Variants in CMPK1 observed in about 807,000 individuals in gnomAD.
CMPK1 encodes the protein UMP-CMP kinase.
Under a neutral mutation model 25.7 loss-of-function variants are expected in CMPK1, and 10 were observed. The observed-to-expected ratio is 0.39, with a 90% CI of 0.24 to 0.66. The LOEUF (loss-of-function observed/expected upper bound fraction) is 0.66. Among genes scored for constraint, CMPK1 ranks in the 30% least tolerant of loss-of-function variants. CMPK1 has a pLI of 0.48. For missense variants in CMPK1, 199 were observed against 280.5 expected, an observed-to-expected ratio of 0.71 and a Z score of 2.08; for synonymous variants, 106 against 101.5, an observed-to-expected ratio of 1.04 and a Z score of -0.27.
In CMPK1 at chr1:47,333,864, C is replaced by T. The variant is rs1182452675; in HGVS notation, c.-82C>T. 6.8e-6 allele frequency: 7 copies of T among 1,025,950 alleles called. No homozygotes were observed. The highest frequency in any genetic ancestry group is 7.2e-6 in the Non-Finnish European group (6 of 838,558). 63.6% of individuals were successfully genotyped at this position (1,025,950 alleles called of 1,614,324 possible). On this transcript the variant is annotated 5_prime_UTR_variant, in exon 1 of 6. Transcript: ENST00000371873. ...CGGCGGGCGCCGGCTCAGCCCGCCCCTTTCTCCCGCCGCCTCCCCGCCCCG... is the reference window on the plus strand; with the variant it reads ...CGGCGGGCGCCGGCTCAGCCCGCCCTTTTCTCCCGCCGCCTCCCCGCCCCG...
chr1:47,371,900 C>T (rs1484761754), intron 2 of CMPK1, among the ~76,000 whole-genome samples: 7 of 152,156 alleles, frequency 4.6e-5, no homozygotes, highest in Non-Finnish European at 1.0e-4. Context: ...CCTTTACTTC[C>T]TGTCTTGGTT....
chr1:47,360,109 T>C (rs1248101440), intron 1 of CMPK1, among the ~76,000 whole-genome samples: 1 of 152,200 alleles, frequency 6.6e-6, no homozygotes, highest in African/African-American at 2.4e-5. Flanking sequence ...AGTGAGCGTT[T>C]CCTAAGAGTA....
At chr1:47,362,533 A>G (rs1358519348) in intron 1 of CMPK1, among the ~76,000 whole-genome samples, 1 of 148,652 alleles carries the variant, frequency 6.7e-6, no homozygotes, top group Non-Finnish European at 1.5e-5. Flanking sequence ...GCTCACTGCA[A>G]CCTCCGCCTC....
Position 47,378,467 on chromosome 1 carries a change from A to G in CMPK1, c.*1722A>G, listed in dbSNP as rs747741314. ...TATTTATAGTGAGATTGTGAAAGCAACCTTAAAGTTTTGAAGAAGACTGAT... is the reference window on the plus strand; with the variant it reads ...TATTTATAGTGAGATTGTGAAAGCAGCCTTAAAGTTTTGAAGAAGACTGAT... On this transcript the variant is annotated 3_prime_UTR_variant, in exon 6 of 6. Transcript: ENST00000371873. 1 of 152,224 alleles carries G rather than the reference A, an allele frequency of 6.6e-6. No individual in the cohort carries two copies. The highest frequency in any genetic ancestry group is 1.5e-5 in the Non-Finnish European group (1 of 68,048). 9.4% of individuals were successfully genotyped at this position (152,224 alleles called of 1,614,324 possible).
At chr1:47,355,202 A>T (rs1041282473) in intron 1 of CMPK1, among the ~76,000 whole-genome samples, 7 of 152,008 alleles carry the variant, frequency 4.6e-5, no homozygotes, top group Non-Finnish European at 2.9e-5. Context: ...ACACACTGTC[A>T]TGCCCAGCTA....
At chr1:47,344,025 GC>G (rs1405721747) in intron 1 of CMPK1, among the ~76,000 whole-genome samples, 1 of 150,850 alleles carries the variant, frequency 6.6e-6, no homozygotes, top group African/African-American at 2.4e-5. Flanking sequence ...ACATGATCAC[GC>G]CACTGCGCTT....
chr1:47,336,422 G>T (rs1646399445), intron 1 of CMPK1, among the ~76,000 whole-genome samples: 1 of 152,190 alleles, frequency 6.6e-6, no homozygotes, highest in African/African-American at 2.4e-5. Flanking sequence ...CACAGAGACA[G>T]ATGCAGATAG....
intron 5 of CMPK1, among the ~76,000 whole-genome samples, chr1:47,375,739 A>G (rs550072816): frequency 1.1e-4 from 16 of 152,322 alleles, no homozygotes; most frequent in Middle Eastern, 3.4e-3. Flanking sequence ...CCACAGAACA[A>G]GTAGCACCAC....
chr1:47,377,449 T>G lies in CMPK1; in HGVS notation c.*704T>G, dbSNP rs888068728. On this transcript the variant is annotated 3_prime_UTR_variant, in exon 6 of 6. Transcript: ENST00000371873. ...AAGGGTATGGGGCAAGGATCACATCTAATGCTTGTGTTCCTTATACTCTAT... is the reference window on the plus strand; with the variant it reads ...AAGGGTATGGGGCAAGGATCACATCGAATGCTTGTGTTCCTTATACTCTAT... The G allele has an allele frequency of 1.3e-5, 2 of 152,238 alleles. No individual in the cohort carries two copies. Among genetic ancestry groups the G allele is most frequent in the African/African-American group, 4.8e-5 (2 of 41,466 alleles). The allele number at this position is 152,238 out of a possible 1,614,324, so 9.4% of individuals were successfully genotyped here.
At chr1:47,370,016 G>A (rs891690742) in intron 2 of CMPK1, among the ~76,000 whole-genome samples, 34 of 119,160 alleles carry the variant, frequency 2.9e-4, no homozygotes, top group Non-Finnish European at 5.7e-4. Context: ...CTGGGTTCAC[G>A]CCATTCTCCT....
In CMPK1 at chr1:47,376,775, T is replaced by G. The variant is rs185243869; in HGVS notation, c.*30T>G. On this transcript the variant is annotated 3_prime_UTR_variant, in exon 6 of 6. Transcript: ENST00000371873. ...AAACCTGAAGGCATCCTTGAAATCATGCTTGAATATTGCTTTGATAGCTGC... is the reference window on the plus strand; with the variant it reads ...AAACCTGAAGGCATCCTTGAAATCAGGCTTGAATATTGCTTTGATAGCTGC... The G allele has an allele frequency of 4.1e-5, 55 of 1,349,652 alleles. No individual in the cohort carries two copies. In the Admixed American group the frequency reaches 7.2e-4, roughly 18 times the overall value. The allele number at this position is 1,349,652 out of a possible 1,614,324, so 83.6% of individuals were successfully genotyped here.
At chr1:47,357,281 T>C (rs748992223) in intron 1 of CMPK1, among the ~76,000 whole-genome samples, 13 of 152,072 alleles carry the variant, frequency 8.5e-5, no homozygotes, top group Admixed American at 2.6e-4. Flanking sequence ...CTTCTTTTTA[T>C]GATATTGATT....
At chr1:47,343,120 GAGAA>G (rs1194439013) in intron 1 of CMPK1, among the ~76,000 whole-genome samples, 1 of 151,162 alleles carries the variant, frequency 6.6e-6, no homozygotes, top group Non-Finnish European at 1.5e-5. Context: ...CCGAGTAGCT[GAGAA>G]TACAGGCACA....
intron 1 of CMPK1, chr1:47,358,471 T>C (rs1646578694): frequency 8.6e-7 from 1 of 1,165,448 alleles, no homozygotes; most frequent in Non-Finnish European, 1.1e-6. Flanking sequence ...CTAATAATGA[T>C]ATTTTGCTGT....
At chr1:47,370,723 G>A (rs1279128803) in intron 2 of CMPK1, among the ~76,000 whole-genome samples, 1 of 150,374 alleles carries the variant, frequency 6.7e-6, no homozygotes, top group Non-Finnish European at 1.5e-5. Context: ...TGAATTACGA[G>A]GTCAGGAGTT....
Position 47,370,289 on chromosome 1 carries a change from G to A in CMPK1, c.318+1674G>A, listed in dbSNP as rs556497735. Among the ~76,000 whole-genome samples, 16 of 151,590 alleles carry A rather than the reference G, an allele frequency of 1.1e-4. 1 individual carries two copies. The East Asian group carries it at 2.1e-3, about 20-fold the overall frequency. On this transcript the variant is annotated intron_variant, in intron 2 of 5. Transcript: ENST00000371873. ...CAGCCATGGTGTCTACTTTTCTGGTGTATCACCATCTTCAATGTGAAATGC... is the reference window on the plus strand; with the variant it reads ...CAGCCATGGTGTCTACTTTTCTGGTATATCACCATCTTCAATGTGAAATGC...
chr1:47,355,851 CACCTCA>C (rs1474119673), intron 1 of CMPK1, among the ~76,000 whole-genome samples: 2 of 151,858 alleles, frequency 1.3e-5, no homozygotes, highest in Admixed American at 1.3e-4. Context: ...GTGATTAGCC[CACCTCA>C]GCCTCCCAAA....
intron 1 of CMPK1, among the ~76,000 whole-genome samples, chr1:47,363,468 AC>A (rs1462029235): frequency 1.3e-5 from 2 of 152,028 alleles, no homozygotes; most frequent in African/African-American, 2.4e-5. Flanking sequence ...TACTAAACAT[AC>A]AAAAAAATTT....
intron 1 of CMPK1, among the ~76,000 whole-genome samples, chr1:47,346,761 C>T (rs556112015): frequency 6.6e-6 from 1 of 152,188 alleles, no homozygotes; most frequent in East Asian, 1.9e-4. Context: ...CCTTGGCCTC[C>T]CAAAATGCTG....
Sources: allele counts gnomAD v4.1 joint callset (sites outside exome capture counted in the v4.1 genomes callset), GRCh38; gene constraint gnomAD v4.1.1; transcripts MANE v1.5; gene names NCBI Gene and HGNC (gene_info 2026-07-23, HGNC 2026-07-21).